Variants in CELA1 observed in about 807,000 individuals in gnomAD.
CELA1 encodes the protein chymotrypsin like elastase 1.
CELA1 carries 28 observed loss-of-function variants against 34.8 expected under a neutral mutation model. The observed-to-expected ratio is 0.80, with a 90% CI of 0.60 to 1.10. CELA1 has a LOEUF of 1.10. Ranked by LOEUF, CELA1 falls within the 50% of genes least tolerant of loss-of-function variation. The pLI is 0.00. For synonymous variants in CELA1, 140 were observed against 129.8 expected, an observed-to-expected ratio of 1.08 and a Z score of -0.53; for missense variants, 288 against 327.5, an observed-to-expected ratio of 0.88 and a Z score of 0.93.
chr12:51,337,228 G>T (rs1213477265), intron 6 of CELA1, among the ~76,000 whole-genome samples: 1 of 152,120 alleles, frequency 6.6e-6, no homozygotes, highest in Non-Finnish European at 1.5e-5. Context: ...CAACTACTTT[G>T]TGTTGTACTA....
chr12:51,341,351 T>C lies in CELA1; in HGVS notation c.356A>G (p.Gln119Arg). The change falls in exon 5 of 8, where the codon CAG becomes CGG. Residue 119 changes from glutamine (Q) to arginine (R), a missense_variant. By Grantham distance (43) the Gln-to-Arg change is conservative. Coordinates refer to ENST00000293636, the MANE Select transcript of CELA1 (RefSeq NM_001971.6). The part of the protein sequence containing the change: ...GYDIALLRLA[Q>R]SVTLNSYVQL... Reference sequence around the variant, plus strand: ...GACATAGCTATTGAGGGTAACGCTCTGGGCCAGGCGCAGCAGGGCGATGTC... The same window carrying C: ...GACATAGCTATTGAGGGTAACGCTCCGGGCCAGGCGCAGCAGGGCGATGTC... 1 of 1,614,222 alleles carries C rather than the reference T, an allele frequency of 6.2e-7. No homozygotes were observed. Among genetic ancestry groups the C allele is most frequent in the Non-Finnish European group, 8.5e-7 (1 of 1,180,030 alleles).
chr12:51,343,952 T>A (rs1237017832), intron 2 of CELA1, 99 bp from the exon 3 acceptor site: 1 of 694,726 alleles, frequency 1.4e-6, no homozygotes, highest in Admixed American at 2.1e-5. Context: ...CCCAGAACTT[T>A]GGAAGGCTGA....
Position 51,346,096 on chromosome 12 carries a change from C to T in CELA1, c.17-219G>A, listed in dbSNP as rs186311720. Among the ~76,000 whole-genome samples, 8 of 152,090 alleles carry T rather than the reference C, an allele frequency of 5.3e-5. No individual in the cohort carries two copies. In the East Asian group the frequency reaches 9.7e-4, roughly 18 times the overall value. On this transcript the variant is annotated intron_variant, in intron 1 of 7. Coordinates refer to ENST00000293636, the MANE Select transcript of CELA1 (RefSeq NM_001971.6). Reference sequence around the variant, plus strand: ...TTTCCCCCAGGTGTTCCCAGAACTCCGGCATGCTATGAAGGACCTCTCTCA... The same window carrying T: ...TTTCCCCCAGGTGTTCCCAGAACTCTGGCATGCTATGAAGGACCTCTCTCA...
chr12:51,336,736 A>G (rs1234143867), intron 6 of CELA1, among the ~76,000 whole-genome samples: 2 of 152,162 alleles, frequency 1.3e-5, no homozygotes. Flanking sequence ...TTCTCTCTCA[A>G]ACTCTGTAAA....
At chr12:51,333,585 G>A (rs1432215851) in intron 6 of CELA1, among the ~76,000 whole-genome samples, 1 of 151,668 alleles carries the variant, frequency 6.6e-6, no homozygotes, top group Non-Finnish European at 1.5e-5. Flanking sequence ...CAGAGACAGG[G>A]TCTCCCTATG....
intron 2 of CELA1, among the ~76,000 whole-genome samples, chr12:51,345,493 G>A (rs1230649139): frequency 6.6e-6 from 1 of 152,226 alleles, no homozygotes; most frequent in Non-Finnish European, 1.5e-5. Flanking sequence ...GGAGTCCAAG[G>A]TGACTGTCTG....
chr12:51,329,825 A>G lies in CELA1; in HGVS notation c.618T>C (p.Ser206=), dbSNP rs1946458935. The stretch of plus-strand genomic sequence containing the variant: ...TCACCAAGCAATGGAGGGGGCCCCC[A>G]GAGTCACCCTGCAGGGAGGAGAAAC... The part of the protein sequence containing the change: ...DGVRSGCQGD[S]GGPLHCLVNG... Residue 206 remains serine (S), a synonymous_variant, in exon 7 of 8, where the codon TCT becomes TCC. Coordinates refer to ENST00000293636, the MANE Select transcript of CELA1 (RefSeq NM_001971.6). The G allele has an allele frequency of 1.2e-6, 2 of 1,610,984 alleles. No homozygotes were observed. The highest frequency in any genetic ancestry group is 1.7e-6 in the Non-Finnish European group (2 of 1,178,792).
At chr12:51,339,507 T>A (rs1369856726) in intron 6 of CELA1, among the ~76,000 whole-genome samples, 2 of 151,866 alleles carry the variant, frequency 1.3e-5, no homozygotes, top group Non-Finnish European at 2.9e-5. Context: ...GCCGAGATCG[T>A]CCCATTGCAC....
chr12:51,335,629 CTTTT>C (rs11410624), intron 6 of CELA1, among the ~76,000 whole-genome samples: 2 of 135,370 alleles, frequency 1.5e-5, no homozygotes, highest in Admixed American at 7.7e-5. Flanking sequence ...TTTGTTCTTC[CTTTT>C]TTTTTTTTTT....
chr12:51,337,611 A>T (rs1341647912), intron 6 of CELA1, among the ~76,000 whole-genome samples: 1 of 150,436 alleles, frequency 6.6e-6, no homozygotes, highest in Non-Finnish European at 1.5e-5. Flanking sequence ...TGTTCCAGTG[A>T]AATGTTATTT....
intron 6 of CELA1, among the ~76,000 whole-genome samples, 157 bp from the exon 7 acceptor site, chr12:51,329,990 T>C (rs534862427): frequency 7.2e-5 from 11 of 152,264 alleles, no homozygotes; most frequent in Non-Finnish European, 1.5e-4. Flanking sequence ...AATGAATCTC[T>C]TCTTCCTTTC....
At chr12:51,344,996 G>A (rs1335313579) in intron 2 of CELA1, among the ~76,000 whole-genome samples, 1 of 151,846 alleles carries the variant, frequency 6.6e-6, no homozygotes. Flanking sequence ...ATGGTGACAG[G>A]CGCCTGTAAT....
chr12:51,338,165 G>A (rs1565700949), intron 6 of CELA1, among the ~76,000 whole-genome samples: 1 of 150,888 alleles, frequency 6.6e-6, no homozygotes, highest in Non-Finnish European at 1.5e-5. Context: ...TTGAACCCGG[G>A]AGGCAGAGGT....
Position 51,341,289 on chromosome 12 carries a change from C to A in CELA1, c.418G>T (p.Ala140Ser). The change falls in exon 5 of 8, where the codon GCT becomes TCT. Residue 140 changes from alanine (A) to serine (S), a missense_variant. Transcript: ENST00000293636. ...GVLPQEGAIL[A>S]NNSPCYITGW... ...GTGATGTAGCAGGGACTGTTGTTAG[C>A]CAGGATGGCTCCCTCCTGGGGCAGA... 6.2e-7 allele frequency: 1 copy of A among 1,614,054 alleles called. No homozygotes were observed. The highest frequency in any genetic ancestry group is 1.1e-5 in the South Asian group (1 of 91,082).
intron 3 of CELA1, among the ~76,000 whole-genome samples, chr12:51,343,031 A>G (rs1181090003): frequency 6.6e-6 from 1 of 152,186 alleles, no homozygotes; most frequent in Non-Finnish European, 1.5e-5. Context: ...GAAAGTAACA[A>G]GCTCTTTCAT....
In CELA1 at chr12:51,341,305, C is replaced by G; in HGVS notation, c.402G>C (p.Gln134His). Residue 134 changes from glutamine (Q) to histidine (H), a missense_variant, in exon 5 of 8, where the codon CAG (glutamine) becomes CAC (histidine). Gln to His is a conservative substitution (Grantham distance 24). Transcript: ENST00000293636. ...TGTTGTTAGCCAGGATGGCTCCCTC[C>G]TGGGGCAGAACACCCAGCTGGACAT... Reference protein sequence around the residue: ...NSYVQLGVLPQEGAILANNSP... With the variant: ...NSYVQLGVLPHEGAILANNSP... 1 of 1,614,192 alleles carries G rather than the reference C, an allele frequency of 6.2e-7. No individual in the cohort carries two copies. The highest frequency in any genetic ancestry group is 1.1e-5 in the South Asian group (1 of 91,080).
In CELA1 at chr12:51,340,393, T is replaced by C. The variant is rs1257367161; in HGVS notation, c.464-388A>G. Among the ~76,000 whole-genome samples, 278 of 148,950 alleles carry C rather than the reference T, an allele frequency of 1.9e-3. 1 individual carries two copies. Among genetic ancestry groups the C allele is most frequent in the Non-Finnish European group, 3.0e-3 (198 of 66,974 alleles). ...TTGTTTCCATTTCTTTCTTTCTTTTTTTTTTTTTTTTTTGAGATGGAGTTT... is the reference window on the plus strand; with the variant it reads ...TTGTTTCCATTTCTTTCTTTCTTTTCTTTTTTTTTTTTTGAGATGGAGTTT... On this transcript the variant is annotated intron_variant, in intron 5 of 7. Coordinates refer to ENST00000293636, the MANE Select transcript of CELA1 (RefSeq NM_001971.6).
At chr12:51,346,020 T>C in intron 1 of CELA1, 143 bp from the exon 2 acceptor site, 1 of 632,392 alleles carries the variant, frequency 1.6e-6, no homozygotes, top group Non-Finnish European at 2.7e-6. Context: ...GGGGCCCAGC[T>C]GTGAGTTCTC....
At chr12:51,340,903 A>T (rs142534551) in intron 5 of CELA1, among the ~76,000 whole-genome samples, 2,596 of 152,270 alleles carry the variant, frequency 0.017, 26 homozygotes, top group Non-Finnish European at 0.024. Flanking sequence ...GCTACTCAGG[A>T]GGCTGAGGTG....
Sources: gnomAD v4.1 joint callset for allele counts (sites outside exome capture counted in the v4.1 genomes callset) on GRCh38, gnomAD v4.1.1 for gene constraint, MANE v1.5 for transcripts, NCBI Gene and HGNC (gene_info 2026-07-23, HGNC 2026-07-21) for gene names.